STIL: variants seen among roughly 807,000 people sequenced by gnomAD.
STIL encodes STIL centriolar assembly protein.
Under a neutral mutation model 110.1 loss-of-function variants are expected in STIL, and 55 were observed. The ratio of observed to expected loss-of-function variants is 0.50; its 90% CI spans 0.40 to 0.63. The LOEUF (loss-of-function observed/expected upper bound fraction) is 0.63. Among genes scored for constraint, STIL ranks in the 20% least tolerant of loss-of-function variants. The pLI is 0.00. For missense variants in STIL, 1,358 were observed against 1,530.0 expected (o/e 0.89, Z 1.87); for synonymous variants, 481 against 530.0 (o/e 0.91, Z 1.27).
intron 8 of STIL, among the ~76,000 whole-genome samples, chr1:47,289,978 AAATT>A (rs1333652929): frequency 2.0e-5 from 3 of 152,170 alleles, no homozygotes; most frequent in Admixed American, 1.3e-4. Flanking sequence ...GAGCAATTCA[AAATT>A]AATTTTACTG....
Position 47,260,454 on chromosome 1 carries a change from G to A in STIL, c.2915C>T (p.Thr972Ile), listed in dbSNP as rs1200104194. 8 of 1,614,006 alleles carry A rather than the reference G, an allele frequency of 5.0e-6. No homozygotes were observed. Among genetic ancestry groups the A allele is most frequent in the African/African-American group, 1.3e-5 (1 of 74,892 alleles). ...TGTATGGTAAACGTTTTGGGTTCTG[G>A]TGCATTCATGACTGATAATTACTGC... ...TKAVIISHEC[T>I]RTQNVYHTKK... Residue 972 changes from threonine to isoleucine, a missense_variant, in exon 16 of 17, where the codon ACC becomes ATC. Transcript: ENST00000371877.
intron 14 of STIL, among the ~76,000 whole-genome samples, chr1:47,268,833 C>T (rs1191034291): frequency 6.6e-6 from 1 of 151,742 alleles, no homozygotes; most frequent in Non-Finnish European, 1.5e-5. Context: ...GTGGCTCACG[C>T]CTGTAATCCC....
rs771470016 is a variant in STIL at position 47,304,991 on chromosome 1, G to A, written c.50C>T (p.Pro17Leu). Residue 17 changes from proline (P) to leucine (L), a missense_variant, in exon 3 of 17, where the codon CCT becomes CTT. Pro to Leu is a moderately conservative substitution (Grantham distance 98). Coordinates refer to ENST00000371877, the MANE Select transcript of STIL (RefSeq NM_001048166.1). ...GTGGAAAGGTACCATCCTGCTTGAAGGAAACCTTTTGAAAAAACAATGTAA... is the reference window on the plus strand; with the variant it reads ...GTGGAAAGGTACCATCCTGCTTGAAAGAAACCTTTTGAAAAAACAATGTAA... ...FARPQMNTRF[P>L]SSRMVPFHFP... 1.2e-6 allele frequency: 2 copies of A among 1,613,366 alleles called. No individual in the cohort carries two copies. The highest frequency in any genetic ancestry group is 2.2e-5 in the South Asian group (2 of 91,036).
intron 1 of STIL, 45 bp from the exon 2 acceptor site, chr1:47,310,407 G>A (rs981576328): frequency 8.0e-7 from 1 of 1,254,834 alleles, no homozygotes; most frequent in Non-Finnish European, 1.1e-6. Context: ...TAAAAACAAA[G>A]AAGAAAAATA....
intron 1 of STIL, among the ~76,000 whole-genome samples, chr1:47,310,689 A>C (rs150633413): frequency 6.6e-6 from 1 of 152,302 alleles, no homozygotes; most frequent in African/African-American, 2.4e-5. Flanking sequence ...TGAGATTTTG[A>C]CCAAAAACCT....
chr1:47,276,940 TTCATC>T (rs1485397600), intron 12 of STIL, among the ~76,000 whole-genome samples: 1 of 151,720 alleles, frequency 6.6e-6, no homozygotes, highest in African/African-American at 2.4e-5. Flanking sequence ...TCTGGCATCA[TTCATC>T]TCATCTAGAA....
chr1:47,293,743 TATATATAGACAGACATATAG>T (rs1180656873), intron 7 of STIL, among the ~76,000 whole-genome samples, 199 bp from the exon 8 acceptor site: 3 of 152,018 alleles, frequency 2.0e-5, no homozygotes, highest in Non-Finnish European at 2.9e-5. Flanking sequence ...ACTATATTGA[TATATATAGACAGACATATAG>T]ATATATATCG....
rs1194529661 is a variant in STIL at position 47,250,846 on chromosome 1, A to G, written c.*290T>C. On this transcript the variant is annotated 3_prime_UTR_variant, in exon 17 of 17. Transcript: ENST00000371877. ...AAAAAAAAGTACAGTATAAAAGAGC[A>G]GTTGAGACTTAGAGCTGGATAGTAT... The G allele has an allele frequency of 1.2e-5, 4 of 327,990 alleles. No homozygotes were observed. The highest frequency in any genetic ancestry group is 1.1e-5 in the Non-Finnish European group (2 of 179,088). 20.3% of individuals were successfully genotyped at this position (327,990 alleles called of 1,614,324 possible).
chr1:47,310,355 T>C lies in STIL; in HGVS notation c.-36A>G. 1 of 1,590,350 alleles carries C rather than the reference T, an allele frequency of 6.3e-7. No homozygotes were observed. The highest frequency in any genetic ancestry group is 8.6e-7 in the Non-Finnish European group (1 of 1,159,724). On this transcript the variant is annotated 5_prime_UTR_variant, in exon 2 of 17. Coordinates refer to ENST00000371877, the MANE Select transcript of STIL (RefSeq NM_001048166.1). ...GAATGATTTCTTTAATTCCAAATCC[T>C]CAGTATCCTAAAGAATTAAAGAGAA...
intron 3 of STIL, 86 bp from the exon 4 acceptor site, chr1:47,302,432 C>G: frequency 9.8e-7 from 1 of 1,018,148 alleles, no homozygotes; most frequent in South Asian, 1.3e-5. Context: ...TAAATTATAA[C>G]ACACATTTTT....
At chr1:47,311,447 G>C (rs1646123181) in intron 1 of STIL, among the ~76,000 whole-genome samples, 1 of 151,758 alleles carries the variant, frequency 6.6e-6, no homozygotes, top group South Asian at 2.1e-4. Context: ...ACTGCACCCG[G>C]CTAATTTTTT....
chr1:47,313,713 C>T (rs1231196334), intron 1 of STIL, among the ~76,000 whole-genome samples: 1 of 152,210 alleles, frequency 6.6e-6, no homozygotes, highest in African/African-American at 2.4e-5. Context: ...TGATCCCTTA[C>T]TACGTAGCAG....
At chr1:47,260,179 G>A (rs1644442116) in intron 16 of STIL, 110 bp downstream of exon 16, 1 of 1,138,288 alleles carries the variant, frequency 8.8e-7, no homozygotes, top group Non-Finnish European at 1.2e-6. Context: ...TGATGAGATT[G>A]CCACAATACA....
At chr1:47,268,573 G>T (rs750448405) in intron 14 of STIL, among the ~76,000 whole-genome samples, 1 of 151,910 alleles carries the variant, frequency 6.6e-6, no homozygotes, top group Non-Finnish European at 1.5e-5. Context: ...TGGCCAACAC[G>T]GCGAAACCCC....
intron 16 of STIL, among the ~76,000 whole-genome samples, chr1:47,259,353 T>C: frequency 8.2e-6 from 1 of 122,464 alleles, no homozygotes; most frequent in East Asian, 2.7e-4. Context: ...GCAGTGGCGC[T>C]ATCTCGGCTC....
chr1:47,272,055 T>C (rs1054911406), intron 13 of STIL, 21 bp downstream of exon 13: 2 of 1,611,888 alleles, frequency 1.2e-6, no homozygotes, highest in Non-Finnish European at 1.7e-6. Flanking sequence ...TCCTTACAAA[T>C]TAAAAAAAAA....
intron 10 of STIL, chr1:47,282,756 T>G: frequency 3.0e-6 from 1 of 330,072 alleles, no homozygotes; most frequent in Non-Finnish European, 5.8e-6. Flanking sequence ...TCGATAAATA[T>G]AGAAACAAGT....
intron 12 of STIL, among the ~76,000 whole-genome samples, chr1:47,273,960 T>C (rs1021782830): frequency 9.2e-5 from 14 of 152,204 alleles, no homozygotes; most frequent in Non-Finnish European, 2.1e-4. Flanking sequence ...CCTACCCTGC[T>C]ACCTTTTGGA....
At chr1:47,299,211 G>A (rs1303239176) in intron 6 of STIL, among the ~76,000 whole-genome samples, 1 of 151,462 alleles carries the variant, frequency 6.6e-6, no homozygotes, top group Non-Finnish European at 1.5e-5. Context: ...AGCCGGTGTA[G>A]TGGCATGCAC....
Sources: allele counts gnomAD v4.1 joint callset (sites outside exome capture counted in the v4.1 genomes callset), GRCh38; gene constraint gnomAD v4.1.1; transcripts MANE v1.5; gene names NCBI Gene and HGNC (gene_info 2026-07-23, HGNC 2026-07-21).